The following GLT8D2 variants were observed in gnomAD, a reference collection of about 807,000 sequenced individuals.
GLT8D2 encodes glycosyltransferase 8 domain containing 2, also known as glycosyltransferase 8 domain-containing protein 2.
GLT8D2 carries 45 observed loss-of-function variants against 44.5 expected under a neutral mutation model. That is an observed-to-expected ratio of 1.01 (90% confidence interval 0.80 to 1.30). GLT8D2 has a LOEUF of 1.30. GLT8D2 is among the 50% of genes most tolerant of loss of function. GLT8D2 has a pLI of 0.00. For missense variants in GLT8D2, 400 were observed against 430.4 expected (o/e 0.93, Z 0.62); for synonymous variants, 156 against 157.2 (o/e 0.99, Z 0.06).
rs765998052 is a variant in GLT8D2 at position 103,989,539 on chromosome 12, G to T, written c.919C>A (p.Gln307Lys). The T allele has an allele frequency of 4.3e-5, 70 of 1,613,120 alleles. 1 individual carries two copies. The South Asian group carries it at 7.1e-4, about 16-fold the overall frequency. ...TTCCAGTGGAGTAATTTAGCTTCCT[G>T]CAGAAAATGCTCCGAATATCTGGCA... Reference protein sequence around the residue: ...PDARYSEHFLQEAKLLHWNGR... With the variant: ...PDARYSEHFLKEAKLLHWNGR... Residue 307 changes from glutamine to lysine, a missense_variant, in exon 11 of 11, where the codon CAG (glutamine) becomes AAG (lysine). By Grantham distance (53) the Gln-to-Lys change is moderately conservative. Transcript: ENST00000360814.
intron 1 of GLT8D2, among the ~76,000 whole-genome samples, chr12:104,034,345 A>G (rs1414465614): frequency 6.6e-6 from 1 of 152,252 alleles, no homozygotes; most frequent in Non-Finnish European, 1.5e-5. Flanking sequence ...GCATTGCCTC[A>G]CCTGAGAAGC....
chr12:104,030,072 T>G (rs1879068375), intron 1 of GLT8D2, among the ~76,000 whole-genome samples: 1 of 152,196 alleles, frequency 6.6e-6, no homozygotes. Flanking sequence ...GGCATCACAT[T>G]TCCTAATTTT....
At chr12:104,047,409 A>G (rs1272937521) in intron 1 of GLT8D2, among the ~76,000 whole-genome samples, 1 of 148,958 alleles carries the variant, frequency 6.7e-6, no homozygotes, top group African/African-American at 2.5e-5. Context: ...GGTTCAAGTG[A>G]TTCTCCTATC....
intron 1 of GLT8D2, among the ~76,000 whole-genome samples, chr12:104,027,092 A>G (rs1878677160): frequency 6.6e-6 from 1 of 152,186 alleles, no homozygotes; most frequent in Admixed American, 6.5e-5. Context: ...TCTTTAATTC[A>G]CTGTAAACAA....
chr12:104,037,761 T>C (rs977689901), intron 1 of GLT8D2, among the ~76,000 whole-genome samples: 1 of 152,168 alleles, frequency 6.6e-6, no homozygotes, highest in Admixed American at 6.5e-5. Flanking sequence ...TTCCAATCAA[T>C]AGAGGAAGAG....
intron 3 of GLT8D2, among the ~76,000 whole-genome samples, chr12:104,015,393 A>AACACACACACACAC (rs55732553): frequency 0.015 from 1,955 of 126,130 alleles, 38 homozygotes; most frequent in African/African-American, 0.019. Flanking sequence ...AACAACAACA[A>AACACACACACACAC]ACACACACAC....
intron 1 of GLT8D2, among the ~76,000 whole-genome samples, chr12:104,022,639 C>T (rs1878047137): frequency 6.6e-6 from 1 of 152,130 alleles, no homozygotes; most frequent in African/African-American, 2.4e-5. Flanking sequence ...ATGGCTGGCA[C>T]AGCCCCACAC....
chr12:104,022,749 T>TACACAC (rs10690249), intron 1 of GLT8D2, among the ~76,000 whole-genome samples: 6 of 149,772 alleles, frequency 4.0e-5, no homozygotes, highest in Non-Finnish European at 5.9e-5. Context: ...CAGGAGATTC[T>TACACAC]ACACACACAC....
At chr12:104,018,996 A>C (rs1437022981) in intron 3 of GLT8D2, among the ~76,000 whole-genome samples, 1 of 152,224 alleles carries the variant, frequency 6.6e-6, no homozygotes, top group Non-Finnish European at 1.5e-5. Flanking sequence ...GCAAAATTAC[A>C]AATTACAAAT....
intron 4 of GLT8D2, among the ~76,000 whole-genome samples, chr12:104,013,443 C>G (rs1876130420): frequency 6.6e-6 from 1 of 151,922 alleles, no homozygotes; most frequent in Admixed American, 6.6e-5. Context: ...TTTTTTGTAT[C>G]CCTCACGAGT....
At chr12:104,014,956 A>C in intron 4 of GLT8D2, 57 bp downstream of exon 4, 5 of 1,228,892 alleles carry the variant, frequency 4.1e-6, no homozygotes, top group Non-Finnish European at 6.0e-6. Context: ...ACCTAGAGGA[A>C]CATATTCAAA....
chr12:104,037,885 G>A (rs1317398876), intron 1 of GLT8D2, among the ~76,000 whole-genome samples: 4 of 151,960 alleles, frequency 2.6e-5, no homozygotes, highest in Non-Finnish European at 4.4e-5. Flanking sequence ...ACATCAGTGC[G>A]AAATCCTCAA....
At chr12:104,061,182 C>A (rs1882614276) in intron 1 of GLT8D2, among the ~76,000 whole-genome samples, 2 of 152,200 alleles carry the variant, frequency 1.3e-5, no homozygotes, top group African/African-American at 2.4e-5. Flanking sequence ...TTCACAGCAG[C>A]CCTAGGAAAC....
chr12:104,019,118 C>T (rs1190420012), intron 3 of GLT8D2, among the ~76,000 whole-genome samples: 1 of 116,462 alleles, frequency 8.6e-6, no homozygotes. Flanking sequence ...ACTTCTTCTT[C>T]TTTTTTTTTT....
At chr12:104,023,409 C>A (rs528949537) in intron 1 of GLT8D2, among the ~76,000 whole-genome samples, 15 of 152,166 alleles carry the variant, frequency 9.9e-5, no homozygotes, top group Admixed American at 2.6e-4. Context: ...CAGGGGAACA[C>A]AAATGGTTCT....
chr12:104,025,737 G>A (rs1262585636), intron 1 of GLT8D2, among the ~76,000 whole-genome samples: 1 of 152,128 alleles, frequency 6.6e-6, no homozygotes, highest in Non-Finnish European at 1.5e-5. Flanking sequence ...AAAGCCATTT[G>A]TTGAGACCAT....
At chr12:104,019,776 G>A (rs569540829) in intron 2 of GLT8D2, 100 bp from the exon 3 acceptor site, 32 of 665,840 alleles carry the variant, frequency 4.8e-5, no homozygotes, top group South Asian at 1.3e-4. Context: ...CTGATATATC[G>A]TGAAGTGTGT....
At chr12:104,021,877 A>C (rs1205039627) in intron 1 of GLT8D2, among the ~76,000 whole-genome samples, 1 of 16,644 alleles carries the variant, frequency 6.0e-5, no homozygotes, top group African/African-American at 3.2e-4. Context: ...AAAGAAGAAG[A>C]AGAAGAAGAA....
chr12:104,016,112 C>T (rs897663092), intron 3 of GLT8D2, among the ~76,000 whole-genome samples: 2 of 151,606 alleles, frequency 1.3e-5, no homozygotes, highest in East Asian at 2.1e-4. Flanking sequence ...GCTTCCACTA[C>T]TATGTTGAAT....
Sources: gnomAD v4.1 joint callset for allele counts (sites outside exome capture counted in the v4.1 genomes callset) on GRCh38, gnomAD v4.1.1 for gene constraint, MANE v1.5 for transcripts, NCBI Gene and HGNC (gene_info 2026-07-23, HGNC 2026-07-21) for gene names.